Variants in TRAIP observed in about 807,000 individuals in gnomAD.
TRAIP encodes the protein E3 ubiquitin-protein ligase TRAIP.
In TRAIP, 37 loss-of-function variants were observed where a neutral mutation model predicts 65.0. The observed-to-expected ratio is 0.57, with a 90% CI of 0.44 to 0.75. The LOEUF is 0.75. TRAIP is among the 30% of genes least tolerant of loss of function. The pLI is 0.00. For synonymous variants in TRAIP, 187 were observed against 219.1 expected (o/e 0.85, Z 1.29); for missense variants, 481 against 579.4 (o/e 0.83, Z 1.74).
chr3:49,853,327 G>A (rs2081948803), intron 1 of TRAIP, among the ~76,000 whole-genome samples: 2 of 151,832 alleles, frequency 1.3e-5, no homozygotes, highest in South Asian at 2.1e-4. Flanking sequence ...GATAAGGGCC[G>A]AGTGTGGTGG....
In TRAIP at chr3:49,856,531, C is replaced by G. The variant is rs2081971703; in HGVS notation, c.-78G>C. 7.3e-7 allele frequency: 1 copy of G among 1,364,502 alleles called. No homozygotes were observed. Among genetic ancestry groups the G allele is most frequent in the Non-Finnish European group, 1.0e-6 (1 of 980,516 alleles). The allele number at this position is 1,364,502 out of a possible 1,614,324, so 84.5% of individuals were successfully genotyped here. On this transcript the variant is annotated 5_prime_UTR_variant, in exon 1 of 15. Transcript: ENST00000331456. ...CTTCGTAGACGCGCCCCCGCGCCTCCGCTTGCTTCAAATTTGGCTCCGCAG... is the reference window on the plus strand; with the variant it reads ...CTTCGTAGACGCGCCCCCGCGCCTCGGCTTGCTTCAAATTTGGCTCCGCAG...
At chr3:49,836,937 T>C (rs1257063741) in intron 10 of TRAIP, among the ~76,000 whole-genome samples, 1 of 150,422 alleles carries the variant, frequency 6.6e-6, no homozygotes, top group Non-Finnish European at 1.5e-5. Context: ...TACTCTTCCA[T>C]CTTCCTTGAC....
chr3:49,844,618 TCATAG>T, intron 3 of TRAIP, 38 bp from the exon 4 acceptor site: 2 of 1,613,154 alleles, frequency 1.2e-6, no homozygotes, highest in South Asian at 2.2e-5. Context: ...CAGGAAAGCA[TCATAG>T]CTGACCTCCA....
rs376397123 is a variant in TRAIP at position 49,840,320 on chromosome 3, G to A, written c.759C>T (p.Ala253=). 8.7e-6 allele frequency: 14 copies of A among 1,614,050 alleles called. No homozygotes were observed. The highest frequency in any genetic ancestry group is 1.2e-5 in the Non-Finnish European group (14 of 1,180,012). The change falls in exon 9 of 15, where the codon GCC becomes GCT. Residue 253 remains alanine (A), a synonymous_variant. Coordinates refer to ENST00000331456, the MANE Select transcript of TRAIP (RefSeq NM_005879.3). ...LDQAKLELKS[A]QKDLQSADKE... is the part of the protein sequence containing the mutation. ...TGTCAGCACTCTGTAAGTCCTTCTG[G>A]GCTGACTTCAGTTCTAACTTGGCCT...
At chr3:49,848,960 C>T (rs1026257403) in intron 1 of TRAIP, among the ~76,000 whole-genome samples, 15 of 152,110 alleles carry the variant, frequency 9.9e-5, no homozygotes, top group Non-Finnish European at 1.6e-4. Flanking sequence ...GATTCTCCTA[C>T]CTCAGCCTCC....
At chr3:49,850,938 T>C (rs768767250) in intron 1 of TRAIP, among the ~76,000 whole-genome samples, 20 of 151,536 alleles carry the variant, frequency 1.3e-4, no homozygotes, top group Non-Finnish European at 2.5e-4. Flanking sequence ...TGAGCCACCA[T>C]GCCCGGCCAA....
At chr3:49,840,217 C>T in intron 9 of TRAIP, 67 bp downstream of exon 9, 1 of 1,423,836 alleles carries the variant, frequency 7.0e-7, no homozygotes, top group East Asian at 2.3e-5. Flanking sequence ...GCAGAGATAG[C>T]CCAGCCCTGC....
chr3:49,832,048 T>C lies in TRAIP; in HGVS notation c.905A>G (p.Asn302Ser). The change falls in exon 11 of 15, where the codon AAT becomes AGT. Residue 302 changes from asparagine to serine, a missense_variant. Asn to Ser is a conservative substitution (Grantham distance 46). Transcript: ENST00000331456. ...GAAGGATGGCCGGCGGAGCTTCAGA[T>C]TCACCTCCACAGGGGCTGGGCTGAA... ...VLESPAPVEV[N>S]LKLRRPSFRD... The C allele has an allele frequency of 6.3e-7, 1 of 1,598,548 alleles. No individual in the cohort carries two copies. The highest frequency in any genetic ancestry group is 8.5e-7 in the Non-Finnish European group (1 of 1,172,144).
rs756532113 is a variant in TRAIP, at chr3:49,841,811, G to A, written c.617+15C>T. ...CCTATCTCCTGTGTTTGCTGAGAGG[G>A]GCCACAGTACGCACTTCTTGAGAGA... On this transcript the variant is annotated intron_variant, in intron 7 of 14. Coordinates refer to ENST00000331456, the MANE Select transcript of TRAIP (RefSeq NM_005879.3). 1 of 1,605,444 alleles carries A rather than the reference G, an allele frequency of 6.2e-7. No homozygotes were observed. The highest frequency in any genetic ancestry group is 8.5e-7 in the Non-Finnish European group (1 of 1,172,394).
rs999605858 is a variant in TRAIP at position 49,841,858 on chromosome 3, T to C, written c.585A>G (p.Glu195=). Residue 195 remains glutamate, a synonymous_variant, in exon 7 of 15, where the codon GAA becomes GAG. Coordinates refer to ENST00000331456, the MANE Select transcript of TRAIP (RefSeq NM_005879.3). ...GAGACACACAGTACACAGCCAGCTG[T>C]TCCACCGCTGACTGTCCCACACCCA... ...RDMGVGQSAV[E]QLAVYCVSLK... 5 of 1,614,204 alleles carry C rather than the reference T, an allele frequency of 3.1e-6. No individual in the cohort carries two copies. The South Asian group carries it at 4.4e-5, about 14-fold the overall frequency.
intron 1 of TRAIP, among the ~76,000 whole-genome samples, chr3:49,848,982 G>C (rs1230534541): frequency 6.6e-6 from 1 of 151,736 alleles, no homozygotes; most frequent in Non-Finnish European, 1.5e-5. Flanking sequence ...AGGTAGCTGG[G>C]ATTACAGGCA....
At chr3:49,835,064 T>C (rs72938138) in intron 10 of TRAIP, among the ~76,000 whole-genome samples, 4,955 of 152,036 alleles carry the variant, frequency 0.033, 270 homozygotes, top group African/African-American at 0.11. Flanking sequence ...ATAAATTAAC[T>C]GGGCATTGTG....
At chr3:49,833,233 G>A (rs2081751213) in intron 10 of TRAIP, among the ~76,000 whole-genome samples, 1 of 152,150 alleles carries the variant, frequency 6.6e-6, no homozygotes, top group East Asian at 1.9e-4. Context: ...CAAGAGGAAG[G>A]CAGGATCTCG....
At chr3:49,843,461 G>A (rs1274447533) in intron 5 of TRAIP, 2 of 202,012 alleles carry the variant, frequency 9.9e-6, no homozygotes, top group Non-Finnish European at 2.0e-5. Context: ...AGGTTCTTCA[G>A]GCTGGCCTCA....
intron 5 of TRAIP, chr3:49,843,502 T>C (rs2081855683): frequency 7.0e-6 from 2 of 286,862 alleles, no homozygotes; most frequent in Non-Finnish European, 1.3e-5. Flanking sequence ...TTCGGAAATA[T>C]GGCCCAGCCT....
intron 1 of TRAIP, among the ~76,000 whole-genome samples, chr3:49,848,824 A>G (rs2081907309): frequency 6.6e-6 from 1 of 151,870 alleles, no homozygotes; most frequent in African/African-American, 2.4e-5. Context: ...CCCAATAAAT[A>G]TGTATACCTA....
intron 10 of TRAIP, among the ~76,000 whole-genome samples, chr3:49,833,501 A>C (rs2081753696): frequency 6.8e-6 from 1 of 147,976 alleles, no homozygotes; most frequent in Admixed American, 6.7e-5. Flanking sequence ...TTTTTTTGAG[A>C]CGGAATCTTG....
At position 49,847,480 on chromosome 3, in the gene TRAIP, C is replaced by T. The variant is rs13316065; in HGVS notation, c.240+45G>A. On this transcript the variant is annotated intron_variant, in intron 3 of 14. Transcript: ENST00000331456. ...AGAAAAGAAAAAAGAAAAGTGAACT[C>T]GCACAAGGCTTGGAGTTCAGTAGAA... The T allele has an allele frequency of 0.29, 356,159 of 1,246,440 alleles. 53,653 individuals are homozygous for T. The highest frequency in any genetic ancestry group is 0.31 in the Non-Finnish European group (275,928 of 878,894). The allele number at this position is 1,246,440 out of a possible 1,614,324, so 77.2% of individuals were successfully genotyped here.
chr3:49,844,421 A>G, intron 4 of TRAIP, 120 bp downstream of exon 4: 1 of 1,103,964 alleles, frequency 9.1e-7, no homozygotes. Context: ...ACTCTTGGAC[A>G]TACAAAGCAG....
Sources: gnomAD v4.1 joint callset for allele counts (sites outside exome capture counted in the v4.1 genomes callset) on GRCh38, gnomAD v4.1.1 for gene constraint, MANE v1.5 for transcripts, NCBI Gene and HGNC (gene_info 2026-07-23, HGNC 2026-07-21) for gene names.